The following EHBP1 variants were observed in gnomAD, a reference collection of about 807,000 sequenced individuals.
EHBP1 encodes EH domain-binding protein 1.
Under a neutral mutation model 144.0 loss-of-function variants are expected in EHBP1, and 55 were observed. The ratio of observed to expected loss-of-function variants is 0.38; its 90% CI spans 0.31 to 0.48. The LOEUF is 0.48. Ranked by LOEUF, EHBP1 falls within the 20% of genes least tolerant of loss-of-function variation. The probability of loss-of-function intolerance (pLI) is 0.98; values close to 1 mark genes in which losing one functional copy is unlikely to be tolerated. For missense variants in EHBP1, 1,200 were observed against 1,364.2 expected, an observed-to-expected ratio of 0.88 and a Z score of 1.90; for synonymous variants, 469 against 472.7, an observed-to-expected ratio of 0.99 and a Z score of 0.10.
intron 19 of EHBP1, 123 bp from the exon 20 acceptor site, chr2:63,037,412 G>A: frequency 1.7e-6 from 1 of 602,020 alleles, no homozygotes; most frequent in South Asian, 2.2e-5. Flanking sequence ...CTTCTTATAA[G>A]CAGTTTAATA....
At chr2:62,896,870 A>G (rs2052981600) in intron 10 of EHBP1, among the ~76,000 whole-genome samples, 1 of 152,106 alleles carries the variant, frequency 6.6e-6, no homozygotes, top group South Asian at 2.1e-4. Context: ...ACATCTTGCC[A>G]AGTCCAGTGC....
At chr2:62,691,825 A>T (rs577547925) in intron 1 of EHBP1, among the ~76,000 whole-genome samples, 3 of 152,318 alleles carry the variant, frequency 2.0e-5, no homozygotes, top group African/African-American at 7.2e-5. Context: ...GAGCTCTAGC[A>T]TATTCAGTTT....
intron 10 of EHBP1, among the ~76,000 whole-genome samples, chr2:62,899,566 A>G (rs2053229996): frequency 6.6e-6 from 1 of 152,228 alleles, no homozygotes; most frequent in Non-Finnish European, 1.5e-5. Context: ...ACCAGGTGAC[A>G]GCAGTTTACA....
At chr2:62,710,097 A>G (rs1399112336) in intron 2 of EHBP1, among the ~76,000 whole-genome samples, 1 of 152,126 alleles carries the variant, frequency 6.6e-6, no homozygotes, top group African/African-American at 2.4e-5. Context: ...AAGAGACTGT[A>G]CTGTCATTTC....
At chr2:62,935,980 T>C (rs532361755) in intron 10 of EHBP1, among the ~76,000 whole-genome samples, 3 of 152,338 alleles carry the variant, frequency 2.0e-5, no homozygotes, top group Admixed American at 2.0e-4. Context: ...TATGTGTTCT[T>C]GGGATAAGTC....
chr2:62,809,057 C>G (rs1267988885), intron 5 of EHBP1, among the ~76,000 whole-genome samples: 2 of 152,052 alleles, frequency 1.3e-5, no homozygotes, highest in African/African-American at 4.8e-5. Context: ...CTTTGGGAGG[C>G]CGAGGCGGAC....
chr2:62,876,857 G>C (rs551622440), intron 10 of EHBP1, among the ~76,000 whole-genome samples: 74 of 152,230 alleles, frequency 4.9e-4, no homozygotes, highest in African/African-American at 1.7e-3. Flanking sequence ...CCAACATTGG[G>C]AATTACGATT....
At chr2:62,729,525 TATA>T (rs1166032759) in intron 2 of EHBP1, among the ~76,000 whole-genome samples, 21 of 89,962 alleles carry the variant, frequency 2.3e-4, no homozygotes, top group South Asian at 2.8e-4. Flanking sequence ...AATAAATAAA[TATA>T]ATATATATAA....
rs771097812 is a variant in EHBP1, at chr2:62,949,050, G to A, written c.2204G>A (p.Arg735Lys). 22 of 1,613,368 alleles carry A rather than the reference G, an allele frequency of 1.4e-5. No homozygotes were observed. In the South Asian group the frequency reaches 1.9e-4, roughly 14 times the overall value. ...PTSKLGYSYS[R>K]DLDLAKKKHA... is the part of the protein sequence containing the mutation. ...TCTAAACTTGGATACTCATATAGTA[G>A]AGATCTAGACCTTGCTAAGAAAAAA... The change falls in exon 13 of 23, where the codon AGA becomes AAA. Residue 735 changes from arginine to lysine, a missense_variant. Physicochemically the swap from Arg to Lys is conservative, Grantham distance 26. Transcript: ENST00000431489.
At chr2:62,823,645 A>T (rs990849747) in intron 5 of EHBP1, among the ~76,000 whole-genome samples, 1 of 152,014 alleles carries the variant, frequency 6.6e-6, no homozygotes, top group African/African-American at 2.4e-5. Context: ...AAATTCATGG[A>T]GTGGGGTTAG....
At chr2:62,820,767 T>TGC (rs2045918530) in intron 5 of EHBP1, among the ~76,000 whole-genome samples, 1 of 124,334 alleles carries the variant, frequency 8.0e-6, no homozygotes, top group South Asian at 2.5e-4. Flanking sequence ...TATATATATA[T>TGC]ATATATATAT....
intron 2 of EHBP1, among the ~76,000 whole-genome samples, chr2:62,725,447 C>T (rs2036673133): frequency 1.3e-5 from 2 of 152,142 alleles, no homozygotes; most frequent in African/African-American, 2.4e-5. Context: ...CTGTGCATGC[C>T]GTCATGCTGG....
intron 2 of EHBP1, among the ~76,000 whole-genome samples, chr2:62,709,845 A>T (rs2034969354): frequency 6.6e-6 from 1 of 152,090 alleles, no homozygotes; most frequent in African/African-American, 2.4e-5. Context: ...CAGTTCTAGA[A>T]CCACTAGAAC....
chr2:62,698,700 A>C (rs542966678), intron 1 of EHBP1, among the ~76,000 whole-genome samples: 1 of 152,342 alleles, frequency 6.6e-6, no homozygotes, highest in Non-Finnish European at 1.5e-5. Flanking sequence ...TGATCACTGT[A>C]AGCCCAGTCA....
Position 62,859,171 on chromosome 2 carries a change from C to G in EHBP1, c.637C>G (p.Leu213Val). Reference sequence around the variant, plus strand: ...CTAACCCATATGTTTATTTTCAGAGCTTATCAACAAACTTAACTTTTTGGA... The same window carrying G: ...CTAACCCATATGTTTATTTTCAGAGGTTATCAACAAACTTAACTTTTTGGA... ...QEEKAAKITE[L>V]INKLNFLDEA... The change falls in exon 8 of 23, where the codon CTT becomes GTT. Residue 213 changes from leucine to valine, a missense_variant and splice_region_variant. Physicochemically the swap from Leu to Val is conservative, Grantham distance 32. Around this residue, in one of 6 missense-constraint regions of EHBP1, gnomAD observed 266 missense variants for 262.4 expected, o/e 1.01. Transcript: ENST00000431489. The G allele has an allele frequency of 6.2e-7, 1 of 1,609,168 alleles. No homozygotes were observed.
At chr2:62,875,542 G>A (rs2050825100) in intron 10 of EHBP1, among the ~76,000 whole-genome samples, 1 of 152,178 alleles carries the variant, frequency 6.6e-6, no homozygotes, top group Admixed American at 6.5e-5. Context: ...ACACAGATGA[G>A]AAAAAGCCAG....
At chr2:63,001,447 T>C (rs1010987934) in intron 19 of EHBP1, among the ~76,000 whole-genome samples, 1 of 152,208 alleles carries the variant, frequency 6.6e-6, no homozygotes, top group East Asian at 1.9e-4. Flanking sequence ...CTTCAGAATG[T>C]TTCTTTACCT....
intron 7 of EHBP1, among the ~76,000 whole-genome samples, chr2:62,836,032 G>T (rs1283142442): frequency 1.3e-5 from 2 of 151,966 alleles, no homozygotes; most frequent in African/African-American, 2.4e-5. Flanking sequence ...CTCCACCTCT[G>T]GGGGCAGGGC....
intron 3 of EHBP1, among the ~76,000 whole-genome samples, chr2:62,755,498 T>A (rs2040196114): frequency 6.6e-6 from 1 of 152,198 alleles, no homozygotes; most frequent in Non-Finnish European, 1.5e-5. Context: ...AGTATTTTTT[T>A]ATCTTGGGCA....
Sources: gnomAD v4.1 joint callset for allele counts (sites outside exome capture counted in the v4.1 genomes callset) on GRCh38, gnomAD v4.1.1 for gene constraint, gnomAD v4.1.1 regional missense constraint, MANE v1.5 for transcripts, NCBI Gene and HGNC (gene_info 2026-07-23, HGNC 2026-07-21) for gene names.